Variants in CDH2 observed in about 807,000 individuals in gnomAD.
CDH2 encodes cadherin 2.
CDH2 carries 17 observed loss-of-function variants against 92.0 expected under a neutral mutation model. The ratio of observed to expected loss-of-function variants is 0.18; its 90% confidence interval spans 0.13 to 0.28. CDH2 has a LOEUF of 0.28. CDH2 is among the 10% of genes least tolerant of loss of function. CDH2 has a pLI of 1.00. For synonymous variants in CDH2, 419 were observed against 415.9 expected, an observed-to-expected ratio of 1.01 and a Z score of -0.09; for missense variants, 862 against 1,133.1, an observed-to-expected ratio of 0.76 and a Z score of 3.44.
intron 2 of CDH2, among the ~76,000 whole-genome samples, chr18:28,097,867 C>T (rs927379971): frequency 5.3e-5 from 8 of 152,000 alleles, no homozygotes; most frequent in Non-Finnish European, 1.0e-4. Context: ...TTTTCATGTT[C>T]CTAAAAAGAT....
intron 15 of CDH2, 110 bp downstream of exon 15, chr18:27,963,247 A>G (rs980664922): frequency 2.3e-6 from 2 of 867,220 alleles, no homozygotes; most frequent in Non-Finnish European, 3.4e-6. Flanking sequence ...AAACACAAGT[A>G]TGTTTTAGTG....
intron 2 of CDH2, among the ~76,000 whole-genome samples, chr18:28,031,754 A>C (rs904027100): frequency 2.0e-5 from 3 of 152,152 alleles, no homozygotes; most frequent in Non-Finnish European, 2.9e-5. Context: ...TGTTAAAAAT[A>C]AGAGATTAGG....
chr18:28,087,787 GAAAAT>G (rs2144204986), intron 2 of CDH2, among the ~76,000 whole-genome samples: 1 of 148,762 alleles, frequency 6.7e-6, no homozygotes, highest in East Asian at 2.0e-4. Flanking sequence ...AAGAATGAAT[GAAAAT>G]AAAAAACAAA....
chr18:28,176,324 GAGACTCCTCCGGGCAAGAGGGCC>G (rs1261078697), intron 1 of CDH2, among the ~76,000 whole-genome samples: 3 of 152,194 alleles, frequency 2.0e-5, no homozygotes, highest in African/African-American at 7.2e-5. Context: ...CTGACCGGCA[GAGACTCCTCCGGGCAAGAGGGCC>G]AGATTTTCTT....
At chr18:28,029,324 T>C (rs1455844561) in intron 2 of CDH2, among the ~76,000 whole-genome samples, 1 of 152,168 alleles carries the variant, frequency 6.6e-6, no homozygotes, top group African/African-American at 2.4e-5. Flanking sequence ...TTTATATACA[T>C]GTAAAAATGT....
chr18:27,983,203 T>C (rs2012116287), intron 13 of CDH2, 120 bp from the exon 14 acceptor site: 5 of 651,030 alleles, frequency 7.7e-6, no homozygotes, highest in Non-Finnish European at 1.3e-5. Context: ...AAATGCGTCT[T>C]TCACTCTACT....
At chr18:28,080,658 T>C (rs2014811901) in intron 2 of CDH2, among the ~76,000 whole-genome samples, 1 of 152,196 alleles carries the variant, frequency 6.6e-6, no homozygotes, top group Admixed American at 6.5e-5. Flanking sequence ...ATCATGCTCA[T>C]GCTAAGATTT....
chr18:28,113,596 T>G (rs2015448233), intron 2 of CDH2, among the ~76,000 whole-genome samples: 1 of 152,036 alleles, frequency 6.6e-6, no homozygotes. Context: ...TAAGAATGAT[T>G]TGGATTTAGA....
chr18:27,949,222 G>A (rs933156553), downstream of CDH2, among the ~76,000 whole-genome samples: 1 of 151,972 alleles, frequency 6.6e-6, no homozygotes, highest in Admixed American at 6.6e-5. Flanking sequence ...TGCCAGAGGA[G>A]GAAGTTACTG....
intron 2 of CDH2, among the ~76,000 whole-genome samples, chr18:28,081,594 T>C (rs567649609): frequency 6.6e-6 from 1 of 152,348 alleles, no homozygotes; most frequent in South Asian, 2.1e-4. Context: ...AGTAAATTTT[T>C]GCCATATATA....
At chr18:27,982,346 C>G (rs1380513190) in intron 14 of CDH2, among the ~76,000 whole-genome samples, 3 of 152,072 alleles carry the variant, frequency 2.0e-5, no homozygotes, top group Admixed American at 6.6e-5. Context: ...TAGTTAATGG[C>G]CAGAAGGAGA....
chr18:28,102,915 G>GA (rs903281079), intron 2 of CDH2, among the ~76,000 whole-genome samples: 73 of 148,230 alleles, frequency 4.9e-4, no homozygotes, highest in Middle Eastern at 6.9e-3. Flanking sequence ...TTCAGATTAT[G>GA]AAAAAAAAAA....
intron 6 of CDH2, among the ~76,000 whole-genome samples, chr18:27,937,914 T>C (rs1007797410): frequency 2.0e-5 from 3 of 152,210 alleles, no homozygotes; most frequent in Non-Finnish European, 2.9e-5. Context: ...TTTAAAAATA[T>C]AGGCATATGA....
intron 15 of CDH2, among the ~76,000 whole-genome samples, chr18:27,962,303 C>T (rs1199600129): frequency 1.3e-5 from 2 of 152,114 alleles, no homozygotes; most frequent in African/African-American, 2.4e-5. Flanking sequence ...GAAATGAATA[C>T]ATATGTTCAG....
At chr18:28,154,371 A>G (rs970561932) in intron 1 of CDH2, among the ~76,000 whole-genome samples, 2 of 152,218 alleles carry the variant, frequency 1.3e-5, no homozygotes, top group African/African-American at 4.8e-5. Flanking sequence ...TGGTCAGAGG[A>G]TCTGAACTCA....
At chr18:28,040,845 G>T (rs1357573140) in intron 2 of CDH2, among the ~76,000 whole-genome samples, 1 of 152,176 alleles carries the variant, frequency 6.6e-6, no homozygotes, top group Non-Finnish European at 1.5e-5. Context: ...CACATGGAAA[G>T]ATCTTTGATT....
At chr18:27,972,692 A>T (rs2011696146) in intron 14 of CDH2, among the ~76,000 whole-genome samples, 1 of 152,244 alleles carries the variant, frequency 6.6e-6, no homozygotes, top group Admixed American at 6.5e-5. Context: ...TTAGAAATTC[A>T]GGAAGAGGGC....
chr18:27,992,731 C>T lies in CDH2; in HGVS notation c.1268G>A (p.Ser423Asn). The T allele has an allele frequency of 6.2e-7, 1 of 1,614,110 alleles. No homozygotes were observed. Among genetic ancestry groups the T allele is most frequent in the African/African-American group, 1.3e-5 (1 of 75,054 alleles). Reference sequence around the variant, plus strand: ...GAACCGTCCAGTAGGATCTCCGCCACTGATTCTGTACACTGCGTTCCAGGC... The same window carrying T: ...GAACCGTCCAGTAGGATCTCCGCCATTGATTCTGTACACTGCGTTCCAGGC... Reference protein sequence around the residue: ...TPAWNAVYRISGGDPTGRFAI... With the variant: ...TPAWNAVYRINGGDPTGRFAI... The change falls in exon 9 of 16, where the codon AGT becomes AAT. Residue 423 changes from serine (S) to asparagine (N), a missense_variant. Physicochemically the swap from Ser to Asn is conservative, Grantham distance 46. Coordinates refer to ENST00000269141, the MANE Select transcript of CDH2 (RefSeq NM_001792.5).
At chr18:27,984,404 T>C (rs373010553) in intron 13 of CDH2, among the ~76,000 whole-genome samples, 2 of 152,178 alleles carry the variant, frequency 1.3e-5, no homozygotes, top group South Asian at 4.1e-4. Context: ...GATTGCAAAG[T>C]ACCTTAAAAA....
Sources: allele counts gnomAD v4.1 joint callset (sites outside exome capture counted in the v4.1 genomes callset), GRCh38; gene constraint gnomAD v4.1.1; transcripts MANE v1.5; gene names NCBI Gene and HGNC (gene_info 2026-07-23, HGNC 2026-07-21).